The following DPH6 variants were observed in gnomAD, a reference collection of about 807,000 sequenced individuals.
DPH6 encodes diphthine--ammonia ligase.
A neutral mutation model predicts 38.2 loss-of-function variants in DPH6; 33 were observed. The observed-to-expected ratio is 0.86, with a 90% CI of 0.65 to 1.15. The LOEUF (loss-of-function observed/expected upper bound fraction) is 1.15, where lower values mean the gene tolerates loss of function less well. DPH6 is among the 50% of genes most tolerant of loss of function. The pLI is 0.00. For missense variants in DPH6, 325 were observed against 320.0 expected, an observed-to-expected ratio of 1.02 and a Z score of -0.12; for synonymous variants, 108 against 103.0, an observed-to-expected ratio of 1.05 and a Z score of -0.30.
chr15:35,223,966 C>G (rs1239269901), intron 3 of DPH6, among the ~76,000 whole-genome samples: 1 of 152,010 alleles, frequency 6.6e-6, no homozygotes, highest in Admixed American at 6.6e-5. Flanking sequence ...CCACTTATCT[C>G]TTTACTGTCT....
At chr15:35,168,036 A>G in the DPH6 span, among the ~76,000 whole-genome samples, 1 of 152,038 alleles carries the variant, frequency 6.6e-6, no homozygotes, top group Non-Finnish European at 1.5e-5. Context: ...TTATTGAATG[A>G]CACTGGGATA....
chr15:35,299,466 GC>G, intron 3 of DPH6: 1 of 766,046 alleles, frequency 1.3e-6, no homozygotes, highest in Non-Finnish European at 2.4e-6. Context: ...ATGCCGGCCC[GC>G]CCGCCGACTC....
intron 5 of DPH6, among the ~76,000 whole-genome samples, chr15:35,433,631 C>G (rs1008240919): frequency 2.6e-5 from 4 of 152,076 alleles, no homozygotes; most frequent in Non-Finnish European, 5.9e-5. Context: ...ATGTTGTGTT[C>G]CTATAAAACT....
intron 3 of DPH6, among the ~76,000 whole-genome samples, chr15:35,249,648 A>G (rs2051658184): frequency 6.6e-6 from 1 of 152,188 alleles, no homozygotes; most frequent in Non-Finnish European, 1.5e-5. Context: ...TAAACAGAGT[A>G]GATAGTAGAA....
Position 35,450,679 on chromosome 15 carries a change from G to T in DPH6, c.505+6C>A. 1 of 1,607,436 alleles carries T rather than the reference G, an allele frequency of 6.2e-7. No homozygotes were observed. Among genetic ancestry groups the T allele is most frequent in the Non-Finnish European group, 8.5e-7 (1 of 1,174,964 alleles). On this transcript the variant is annotated splice_donor_region_variant and intron_variant, in intron 5 of 8. Coordinates refer to ENST00000256538, the MANE Select transcript of DPH6 (RefSeq NM_080650.4). ...AAACAGCTCCCTTGATAGTTTGGCT[G>T]CATACCCAAAGCTGCTACTTTGATG...
At chr15:35,490,242 T>C in intron 3 of DPH6, 5 of 962,876 alleles carry the variant, frequency 5.2e-6, no homozygotes, top group Non-Finnish European at 6.2e-6. Flanking sequence ...GAAAAACAAA[T>C]AAGAAGACAG....
At chr15:35,390,008 C>G (rs183869290) in intron 6 of DPH6, among the ~76,000 whole-genome samples, 136 of 152,242 alleles carry the variant, frequency 8.9e-4, no homozygotes, top group Admixed American at 1.4e-3. Flanking sequence ...TTTAGTGCTT[C>G]CTTCAGGAGC....
chr15:35,317,590 C>CAAAAAAAAAAAAAAAAAAA (rs79613862), intron 3 of DPH6, among the ~76,000 whole-genome samples: 1 of 73,768 alleles, frequency 1.4e-5, no homozygotes, highest in East Asian at 2.9e-4. Context: ...TTCTGCTGGA[C>CAAAAAAAAAAAAAAAAAAA]AAAAAAAAAA....
intron 5 of DPH6, among the ~76,000 whole-genome samples, chr15:35,428,249 T>C (rs1275441840): frequency 6.6e-6 from 1 of 152,074 alleles, no homozygotes; most frequent in Non-Finnish European, 1.5e-5. Context: ...GCTTATCCAA[T>C]AGTATATAGC....
At position 35,377,317 on chromosome 15, in the gene DPH6, G is replaced by T. The variant is rs186928872; in HGVS notation, c.663-3709C>A. ...CTTCTTTTTTCATTCTTATTCTTCCGTCCACCCATCCATCCATCCATCCAT... is the reference window on the plus strand; with the variant it reads ...CTTCTTTTTTCATTCTTATTCTTCCTTCCACCCATCCATCCATCCATCCAT... On this transcript the variant is annotated intron_variant, in intron 7 of 8. Transcript: ENST00000256538. 5.9e-3 allele frequency among the ~76,000 whole-genome samples: 896 copies of T among 151,514 alleles called. 17 individuals carry two copies. The highest frequency in any genetic ancestry group is 4.5e-3 in the Non-Finnish European group (303 of 67,842).
chr15:35,276,427 CTTTAG>C (rs1196799214), intron 3 of DPH6, among the ~76,000 whole-genome samples: 1 of 152,188 alleles, frequency 6.6e-6, no homozygotes, highest in Non-Finnish European at 1.5e-5. Flanking sequence ...TGCAAAAGAT[CTTTAG>C]TTTATTTAAG....
At chr15:35,512,996 A>G (rs2054795692) in intron 3 of DPH6, among the ~76,000 whole-genome samples, 1 of 152,086 alleles carries the variant, frequency 6.6e-6, no homozygotes, top group Non-Finnish European at 1.5e-5. Context: ...AAAAATTATT[A>G]TACAGGCACA....
At chr15:35,268,905 T>C (rs1167501321) in intron 3 of DPH6, among the ~76,000 whole-genome samples, 1 of 152,092 alleles carries the variant, frequency 6.6e-6, no homozygotes, top group Non-Finnish European at 1.5e-5. Context: ...GAGAATCAAA[T>C]ATAATTAAAA....
intron 5 of DPH6, among the ~76,000 whole-genome samples, chr15:35,420,029 AT>A (rs2141011281): frequency 6.6e-6 from 1 of 152,322 alleles, no homozygotes; most frequent in African/African-American, 2.4e-5. Context: ...GAGAGATCAT[AT>A]GTTTGGCCAC....
At chr15:35,226,125 A>T (rs1455558613) in intron 3 of DPH6, among the ~76,000 whole-genome samples, 1 of 151,748 alleles carries the variant, frequency 6.6e-6, no homozygotes, top group Non-Finnish European at 1.5e-5. Flanking sequence ...CTCATCACAA[A>T]AAATAAATAA....
Position 35,371,957 on chromosome 15 carries a change from C to CTAT in DPH6, c.*190_*192dup. On this transcript the variant is annotated 3_prime_UTR_variant, in exon 9 of 9. Transcript: ENST00000256538. Reference sequence around the variant, plus strand: ...AGAGTGAATTCCAAGAAAGTTGGCACTATTAATGAACATGCCGTCGACATT... The same window carrying CTAT: ...AGAGTGAATTCCAAGAAAGTTGGCACTATTATTAATGAACATGCCGTCGACATT... 7.8e-7 allele frequency: 1 copy of CTAT among 1,276,858 alleles called. No individual in the cohort carries two copies. Among genetic ancestry groups the CTAT allele is most frequent in the Non-Finnish European group, 9.9e-7 (1 of 1,006,816 alleles). 79.1% of individuals were successfully genotyped at this position (1,276,858 alleles called of 1,614,324 possible).
intron 5 of DPH6, among the ~76,000 whole-genome samples, chr15:35,423,251 G>A (rs1254042001): frequency 4.0e-5 from 6 of 151,586 alleles, no homozygotes; most frequent in East Asian, 3.9e-4. Flanking sequence ...CAGGTGTGAC[G>A]TGATACCTCA....
At chr15:35,218,891 G>A in exon 4 of DPH6, 1 of 152,050 alleles carries the variant, frequency 6.6e-6, no homozygotes, top group Non-Finnish European at 1.5e-5. Flanking sequence ...AGTCCATATT[G>A]AAATCCTTAA....
rs182685171 is a variant in DPH6, at chr15:35,268,574, A to G, written n.201-47992T>C. Among the ~76,000 whole-genome samples the G allele has an allele frequency of 5.5e-4, 83 of 152,026 alleles. 1 individual carries two copies. Among genetic ancestry groups the G allele is most frequent in the African/African-American group, 2.0e-3 (82 of 41,538 alleles). On this transcript the variant is annotated intron_variant and non_coding_transcript_variant, in intron 3 of 3. Transcript: ENST00000560386. The stretch of plus-strand genomic sequence containing the variant: ...GGAGTCTTTTTCTTCTGCTGCTTTA[A>G]AAAAATTTTTTTAGGGGAAAGCAGA...
Sources: allele counts gnomAD v4.1 joint callset (sites outside exome capture counted in the v4.1 genomes callset), GRCh38; gene constraint gnomAD v4.1.1; transcripts MANE v1.5; gene names NCBI Gene and HGNC (gene_info 2026-07-23, HGNC 2026-07-21).